Variants in ACO1 observed in about 807,000 individuals in gnomAD.
The protein encoded by ACO1 is cytoplasmic aconitate hydratase.
ACO1 carries 78 observed loss-of-function variants against 105.1 expected under a neutral mutation model. That is an observed-to-expected ratio of 0.74 (90% CI 0.62 to 0.90). ACO1 has a LOEUF of 0.90. ACO1 is among the 40% of genes least tolerant of loss of function. ACO1 has a pLI of 0.00. For synonymous variants in ACO1, 364 were observed against 397.4 expected (o/e 0.92, Z 1.00); for missense variants, 965 against 1,111.1 (o/e 0.87, Z 1.87).
intron 4 of ACO1, among the ~76,000 whole-genome samples, chr9:32,413,057 A>G (rs186762844): frequency 1.3e-4 from 20 of 152,188 alleles, no homozygotes; most frequent in East Asian, 7.7e-4. Flanking sequence ...ACTCTAATCA[A>G]TTGTGGTTTC....
intron 1 of ACO1, among the ~76,000 whole-genome samples, chr9:32,388,043 A>G (rs1045900336): frequency 1.3e-5 from 2 of 152,218 alleles, no homozygotes; most frequent in African/African-American, 4.8e-5. Flanking sequence ...AGGAAGGCCA[A>G]GTGTGTTGAA....
rs141210298 is a variant in ACO1, at chr9:32,450,430, A to AATCTT, written c.*320_*324dup. The AATCTT allele has an allele frequency of 0.04, 15,437 of 383,714 alleles. 440 individuals are homozygous for AATCTT. Among genetic ancestry groups the AATCTT allele is most frequent in the Middle Eastern group, 0.093 (105 of 1,134 alleles). 23.8% of individuals were successfully genotyped at this position (383,714 alleles called of 1,614,324 possible). A position where few individuals can be genotyped will look rare whatever the true frequency, so the allele number is the denominator to read the frequency against. On this transcript the variant is annotated 3_prime_UTR_variant, in exon 21 of 21. Coordinates refer to ENST00000309951, the MANE Select transcript of ACO1 (RefSeq NM_002197.3). ...CGTTGCTTTTTCACTGTTTCCTATT[A>AATCTT]ATCTTCAGCTGAACACAAGCAAACC...
At chr9:32,401,927 T>A (rs1587517789) in intron 1 of ACO1, among the ~76,000 whole-genome samples, 1 of 152,356 alleles carries the variant, frequency 6.6e-6, no homozygotes, top group Non-Finnish European at 1.5e-5. Flanking sequence ...CAGGATGGGT[T>A]AGCTTTGAAA....
At chr9:32,393,720 ACT>A (rs1343925833) in intron 1 of ACO1, among the ~76,000 whole-genome samples, 1 of 151,926 alleles carries the variant, frequency 6.6e-6, no homozygotes, top group Non-Finnish European at 1.5e-5. Flanking sequence ...TCTCTTTTGT[ACT>A]CTTTCCCTTT....
intron 19 of ACO1, among the ~76,000 whole-genome samples, chr9:32,448,328 G>A (rs1336432175): frequency 6.6e-6 from 1 of 152,212 alleles, no homozygotes; most frequent in Admixed American, 6.5e-5. Flanking sequence ...CACTGTGAGG[G>A]TAAAACCACC....
At position 32,424,794 on chromosome 9, in the gene ACO1, C is replaced by A. The variant is rs1822050776; in HGVS notation, c.1188+129C>A. On this transcript the variant is annotated intron_variant, in intron 10 of 20. Transcript: ENST00000309951. ...TGAAGCTTGAGGGTGTTTATTCTTC[C>A]TTCTGAAGTCCTTAATGACTTCCTC... 4.5e-6 allele frequency: 3 copies of A among 667,044 alleles called. No homozygotes were observed. The Admixed American group carries it at 8.2e-5, about 18-fold the overall frequency. The allele number at this position is 667,044 out of a possible 1,614,324, so 41.3% of individuals were successfully genotyped here. A position where few individuals can be genotyped will look rare whatever the true frequency, so the allele number is the denominator to read the frequency against.
intron 4 of ACO1, among the ~76,000 whole-genome samples, chr9:32,417,771 G>C (rs912616977): frequency 1.3e-5 from 2 of 152,226 alleles, no homozygotes; most frequent in African/African-American, 4.8e-5. Context: ...TGGATGAGGA[G>C]TATAGAAACA....
At chr9:32,423,580 C>T (rs145584676) in intron 9 of ACO1, among the ~76,000 whole-genome samples, 161 bp downstream of exon 9, 2 of 152,162 alleles carry the variant, frequency 1.3e-5, no homozygotes, top group Non-Finnish European at 2.9e-5. Flanking sequence ...AAGGATAAGG[C>T]AATTGTAAAC....
chr9:32,431,763 C>A lies in ACO1; in HGVS notation c.1771C>A (p.Pro591Thr), dbSNP rs774908713. The A allele has an allele frequency of 6.2e-7, 1 of 1,613,870 alleles. No homozygotes were observed. Among genetic ancestry groups the A allele is most frequent in the Non-Finnish European group, 8.5e-7 (1 of 1,179,980 alleles). The change falls in exon 15 of 21, where the codon CCG (proline) becomes ACG (threonine). Residue 591 changes from proline (P) to threonine (T), a missense_variant. Transcript: ENST00000309951. ...GQQVFLKDIW[P>T]TRDEIQAVER... is the part of the protein sequence containing the mutation. ...GCAGGTATTTCTGAAAGATATCTGG[C>A]CGACTAGAGACGAGATCCAGGCAGT...
chr9:32,388,195 C>G (rs62571705), intron 1 of ACO1, among the ~76,000 whole-genome samples: 24,485 of 152,124 alleles, frequency 0.16, 2,243 homozygotes, highest in South Asian at 0.29. Context: ...CTAGTAGTGT[C>G]TCTAAGAGCT....
At chr9:32,395,382 C>T (rs1821351540) in intron 1 of ACO1, among the ~76,000 whole-genome samples, 1 of 152,106 alleles carries the variant, frequency 6.6e-6, no homozygotes, top group Non-Finnish European at 1.5e-5. Flanking sequence ...AGGCTGAGGC[C>T]AGAGAATCAC....
rs553680637 is a variant in ACO1 at position 32,444,572 on chromosome 9, C to G, written c.2370+3985C>G. Among the ~76,000 whole-genome samples the G allele has an allele frequency of 2.6e-3, 402 of 152,270 alleles. 16 individuals are homozygous for G. In the East Asian group the frequency reaches 0.064, roughly 24 times the overall value. On this transcript the variant is annotated intron_variant, in intron 19 of 20. Transcript: ENST00000309951. ...GTTTTGATTTGCATTTCTCTAATGA[C>G]CAGTGAGGATGAGCATTTTTTCATA... is the stretch of plus-strand genomic sequence containing the variant.
chr9:32,438,136 G>A (rs140275092), intron 18 of ACO1, among the ~76,000 whole-genome samples: 9 of 152,278 alleles, frequency 5.9e-5, no homozygotes, highest in Non-Finnish European at 1.0e-4. Context: ...GAGAAAAACA[G>A]CTCACATGAA....
At position 32,418,384 on chromosome 9, in the gene ACO1, C is replaced by G. The variant is rs1187652280; in HGVS notation, c.531C>G (p.Ile177Met). 5 of 1,614,148 alleles carry G rather than the reference C, an allele frequency of 3.1e-6. No homozygotes were observed. Among genetic ancestry groups the G allele is most frequent in the Non-Finnish European group, 4.2e-6 (5 of 1,180,022 alleles). The change falls in exon 6 of 21, where the codon ATC (isoleucine) becomes ATG (methionine). Residue 177 changes from isoleucine (I) to methionine (M), a missense_variant. Physicochemically the swap from Ile to Met is conservative, Grantham distance 10 (BLOSUM62 1). Coordinates refer to ENST00000309951, the MANE Select transcript of ACO1 (RefSeq NM_002197.3). The stretch of plus-strand genomic sequence containing the variant: ...TTATTCCCCCTGGCTCAGGAATCAT[C>G]CACCAGGTGAATTTGGAATATTTGG... ...MRIIPPGSGI[I>M]HQVNLEYLAR...
intron 1 of ACO1, among the ~76,000 whole-genome samples, chr9:32,397,182 A>T (rs1431310705): frequency 1.3e-5 from 2 of 152,196 alleles, no homozygotes; most frequent in Non-Finnish European, 2.9e-5. Flanking sequence ...CTTAGTGCTC[A>T]AGAAAAACAT....
chr9:32,436,456 G>A, intron 18 of ACO1, 59 bp downstream of exon 18: 1 of 1,592,364 alleles, frequency 6.3e-7, no homozygotes, highest in Non-Finnish European at 8.6e-7. Context: ...GGTGGAGGTT[G>A]GATATTTACA....
rs954393428 is a variant in ACO1, at chr9:32,434,412, T to G, written c.1957-147T>G. 9 of 921,052 alleles carry G rather than the reference T, an allele frequency of 9.8e-6. No homozygotes were observed. In the African/African-American group the frequency reaches 1.2e-4, roughly 12 times the overall value. The allele number at this position is 921,052 out of a possible 1,614,324, so 57.1% of individuals were successfully genotyped here. On this transcript the variant is annotated intron_variant, in intron 16 of 20. Coordinates refer to ENST00000309951, the MANE Select transcript of ACO1 (RefSeq NM_002197.3). ...TTCACCTTACTTTTCTTGGCCTCTTTGATAAAAACTAGAACACTAGAATTT... is the reference window on the plus strand; with the variant it reads ...TTCACCTTACTTTTCTTGGCCTCTTGGATAAAAACTAGAACACTAGAATTT...
intron 19 of ACO1, among the ~76,000 whole-genome samples, chr9:32,443,976 T>C (rs7874563): frequency 0.35 from 53,317 of 151,892 alleles, 9,430 homozygotes; most frequent in East Asian, 0.52. Context: ...CCCTAGCCCC[T>C]GACCCGCCAA....
At chr9:32,414,658 ATCC>A (rs1821811243) in intron 4 of ACO1, among the ~76,000 whole-genome samples, 1 of 152,146 alleles carries the variant, frequency 6.6e-6, no homozygotes, top group South Asian at 2.1e-4. Flanking sequence ...AAGCTCTGCC[ATCC>A]TCCTGGTGCT....
Sources: gnomAD v4.1 joint callset for allele counts (sites outside exome capture counted in the v4.1 genomes callset) on GRCh38, gnomAD v4.1.1 for gene constraint, MANE v1.5 for transcripts, NCBI Gene and HGNC (gene_info 2026-07-23, HGNC 2026-07-21) for gene names.